Variants in PKHD1L1 observed in about 807,000 individuals in gnomAD.
The protein encoded by PKHD1L1 is fibrocystin-L.
PKHD1L1 carries 434 observed loss-of-function variants against 462.9 expected under a neutral mutation model. The observed-to-expected ratio is 0.94, with a 90% CI of 0.87 to 1.02. PKHD1L1 has a LOEUF of 1.02. PKHD1L1 is among the 50% of genes least tolerant of loss of function. PKHD1L1 has a pLI of 0.00. For missense variants in PKHD1L1, 5,202 were observed against 5,096.1 expected (o/e 1.02, Z -0.63); for synonymous variants, 1,781 against 1,750.0 (o/e 1.02, Z -0.44).
Position 109,491,089 on chromosome 8 carries a change from A to G in PKHD1L1, c.10102A>G (p.Thr3368Ala), listed in dbSNP as rs1453006973. 6.2e-7 allele frequency: 1 copy of G among 1,608,466 alleles called. No homozygotes were observed. The highest frequency in any genetic ancestry group is 1.1e-5 in the South Asian group (1 of 90,654). ...LDIDDNIIHF[T>A]VGEGIRIWGN... is the part of the protein sequence containing the mutation. Reference sequence around the variant, plus strand: ...CATAGATGACAACATCATTCACTTTACAGTGGGGGAAGGTAATATAATAAT... The same window carrying G: ...CATAGATGACAACATCATTCACTTTGCAGTGGGGGAAGGTAATATAATAAT... Residue 3368 changes from threonine to alanine, a missense_variant, in exon 61 of 78, where the codon ACA becomes GCA. Physicochemically the swap from Thr to Ala is moderately conservative, Grantham distance 58 (BLOSUM62 0). Coordinates refer to ENST00000378402, the MANE Select transcript of PKHD1L1 (RefSeq NM_177531.6).
At position 109,445,216 on chromosome 8, in the gene PKHD1L1, A is replaced by G; in HGVS notation, c.5347A>G (p.Ile1783Val). The change falls in exon 38 of 78, where the codon ATT becomes GTT. Residue 1783 changes from isoleucine to valine, a missense_variant. Physicochemically the swap from Ile to Val is conservative, Grantham distance 29 (BLOSUM62 3). Transcript: ENST00000378402. ...GTVLEDIAVFIGNQQFRAIEV... is the reference protein window; with the variant it reads ...GTVLEDIAVFVGNQQFRAIEV... ...TGTTTTGGAGGACATTGCTGTTTTC[A>G]TTGGAAATCAACAGTTCAGAGCAAT... 1 of 1,614,014 alleles carries G rather than the reference A, an allele frequency of 6.2e-7. No homozygotes were observed. The highest frequency in any genetic ancestry group is 8.5e-7 in the Non-Finnish European group (1 of 1,179,884).
chr8:109,497,508 C>T (rs1203476505), intron 65 of PKHD1L1, among the ~76,000 whole-genome samples: 1 of 149,170 alleles, frequency 6.7e-6, no homozygotes, highest in African/African-American at 2.5e-5. Flanking sequence ...TTTCGGCTCA[C>T]TGCAAACTCT....
chr8:109,520,666 C>G (rs1820502993), intron 73 of PKHD1L1, among the ~76,000 whole-genome samples: 1 of 152,084 alleles, frequency 6.6e-6, no homozygotes, highest in Non-Finnish European at 1.5e-5. Context: ...GAAAGATGTT[C>G]ATGTAGTTGT....
At chr8:109,504,253 C>A in intron 67 of PKHD1L1, 74 bp from the exon 68 acceptor site, 1 of 943,170 alleles carries the variant, frequency 1.1e-6, no homozygotes, top group Non-Finnish European at 1.5e-6. Flanking sequence ...ATGTGTTTGG[C>A]AGAATGTGCA....
chr8:109,527,011 A>G lies in PKHD1L1; in HGVS notation c.12712A>G (p.Ile4238Val), dbSNP rs556723532. ...TATGGCTGCAGTTTCAACTTTGAATATAACTTTAAGTAAGTACAGTCCATT... is the reference window on the plus strand; with the variant it reads ...TATGGCTGCAGTTTCAACTTTGAATGTAACTTTAAGTAAGTACAGTCCATT... ...IFMAAVSTLN[I>V]TLRSY Residue 4238 changes from isoleucine (I) to valine (V), a missense_variant, in exon 77 of 78, where the codon ATA (isoleucine) becomes GTA (valine). Transcript: ENST00000378402. 3.1e-6 allele frequency: 5 copies of G among 1,606,190 alleles called. No homozygotes were observed. The highest frequency in any genetic ancestry group is 1.7e-5 in the Admixed American group (1 of 59,800).
Position 109,436,465 on chromosome 8 carries a change from G to A in PKHD1L1, c.3627+6G>A, listed in dbSNP as rs763459498. ...TAACCTGCAGGACACCAAAAGTAAGGCCTCTGATTTCAGTCACTTTTTCCT... is the reference window on the plus strand; with the variant it reads ...TAACCTGCAGGACACCAAAAGTAAGACCTCTGATTTCAGTCACTTTTTCCT... On this transcript the variant is annotated splice_donor_region_variant and intron_variant, in intron 30 of 77. Coordinates refer to ENST00000378402, the MANE Select transcript of PKHD1L1 (RefSeq NM_177531.6). 1.2e-6 allele frequency: 2 copies of A among 1,610,980 alleles called. No homozygotes were observed. The highest frequency in any genetic ancestry group is 1.7e-6 in the Non-Finnish European group (2 of 1,179,112).
rs748293040 is a variant in PKHD1L1 at position 109,522,305 on chromosome 8, C to T, written c.12151C>T (p.Leu4051Phe). Residue 4051 changes from leucine to phenylalanine, a missense_variant, in exon 74 of 78, where the codon CTC becomes TTC. Leu to Phe is a conservative substitution (Grantham distance 22). Coordinates refer to ENST00000378402, the MANE Select transcript of PKHD1L1 (RefSeq NM_177531.6). ...TTCGTCCATGTCTATTACTAATCCC[C>T]TCCCCAGCCCAAGTGACTCTGGGTG... ...NISSMSITNP[L>F]PSPSDSGWIK... 6.8e-6 allele frequency: 11 copies of T among 1,606,044 alleles called. No homozygotes were observed. The highest frequency in any genetic ancestry group is 2.3e-5 in the East Asian group (1 of 44,416).
At chr8:109,364,490 T>A (rs1157259018) in intron 1 of PKHD1L1, 57 bp from the exon 2 acceptor site, 1 of 1,188,222 alleles carries the variant, frequency 8.4e-7, no homozygotes, top group Admixed American at 2.2e-5. Flanking sequence ...CAAATTTTGA[T>A]GACTGAAATG....
intron 56 of PKHD1L1, among the ~76,000 whole-genome samples, chr8:109,482,055 T>C (rs1457677863): frequency 6.6e-6 from 1 of 151,844 alleles, no homozygotes; most frequent in Admixed American, 6.6e-5. Flanking sequence ...GAGATTTAAT[T>C]TCCCAGTTGC....
intron 21 of PKHD1L1, 21 bp from the exon 22 acceptor site, chr8:109,419,076 A>T (rs372155664): frequency 9.3e-5 from 149 of 1,602,028 alleles, no homozygotes; most frequent in Admixed American, 1.3e-4. Context: ...CTATACAACA[A>T]ATTAATCAAC....
At position 109,504,440 on chromosome 8, in the gene PKHD1L1, C is replaced by A; in HGVS notation, c.10942C>A (p.Leu3648Met). ...TCCAATCCATGTGAAGAATATAAAA[C>A]TGGTTGATACCACTGAACAATCAAA... The part of the protein sequence containing the change: ...QHPIHVKNIK[L>M]VDTTEQSKIF... The change falls in exon 68 of 78, where the codon CTG becomes ATG. Residue 3648 changes from leucine (L) to methionine (M), a missense_variant. Physicochemically the swap from Leu to Met is conservative, Grantham distance 15 (BLOSUM62 2). Around this residue, in one of 3 missense-constraint regions of PKHD1L1, gnomAD observed 698 missense variants for 736.3 expected, o/e 0.95. Transcript: ENST00000378402. 1 of 1,560,440 alleles carries A rather than the reference C, an allele frequency of 6.4e-7. No individual in the cohort carries two copies. The highest frequency in any genetic ancestry group is 8.7e-7 in the Non-Finnish European group (1 of 1,144,964).
At chr8:109,430,972 CT>C (rs11315322) in intron 27 of PKHD1L1, among the ~76,000 whole-genome samples, 23,679 of 138,774 alleles carry the variant, frequency 0.17, 1,786 homozygotes, top group South Asian at 0.28. Flanking sequence ...TGAATTCCCA[CT>C]TTTTTTTTTT....
In PKHD1L1 at chr8:109,420,324, A is replaced by C. The variant is rs1427034308; in HGVS notation, c.2525-194A>C. Among the ~76,000 whole-genome samples the C allele has an allele frequency of 3.9e-5, 6 of 152,362 alleles. 1 individual carries two copies. The highest frequency in any genetic ancestry group is 2.6e-4 in the Admixed American group (4 of 15,306). On this transcript the variant is annotated intron_variant, in intron 22 of 77. Transcript: ENST00000378402. Reference sequence around the variant, plus strand: ...TAAAAGTGAAAGTTTAGCAAGCTTCATAAACTACTTGCCTTCAGGTCTTCT... The same window carrying C: ...TAAAAGTGAAAGTTTAGCAAGCTTCCTAAACTACTTGCCTTCAGGTCTTCT...
intron 62 of PKHD1L1, among the ~76,000 whole-genome samples, chr8:109,492,559 G>T (rs1187144685): frequency 6.6e-6 from 1 of 151,770 alleles, no homozygotes; most frequent in Non-Finnish European, 1.5e-5. Flanking sequence ...GATGGGATAA[G>T]GATTGAGTTT....
chr8:109,492,456 C>A (rs1818882828), intron 62 of PKHD1L1, among the ~76,000 whole-genome samples: 1 of 151,708 alleles, frequency 6.6e-6, no homozygotes. Flanking sequence ...AGTAAGATTA[C>A]AAACAAGAAA....
chr8:109,381,454 C>A lies in PKHD1L1; in HGVS notation c.248C>A (p.Ser83Ter). 1 of 1,583,770 alleles carries A rather than the reference C, an allele frequency of 6.3e-7. No individual in the cohort carries two copies. Among genetic ancestry groups the A allele is most frequent in the Non-Finnish European group, 8.6e-7 (1 of 1,162,542 alleles). Residue 83 changes from serine to a stop codon, truncating the protein, a stop_gained, in exon 3 of 78, where the codon TCA (serine) becomes TAA (stop). Transcript: ENST00000378402. LOFTEE classifies it high-confidence loss of function. ...GTGCAATTAATTTCTTCTTTCCAGT[C>A]AATTACTTGTGATGTAGAAAAAGAT... is the stretch of plus-strand genomic sequence containing the variant. The part of the protein sequence containing the change: ...NSVQLISSFQ[S>*]ITCDVEKDAS...
intron 28 of PKHD1L1, among the ~76,000 whole-genome samples, chr8:109,433,426 G>T (rs915800263): frequency 3.3e-5 from 5 of 152,026 alleles, no homozygotes; most frequent in Non-Finnish European, 7.4e-5. Context: ...ATTGTTGTAC[G>T]GTGTCTTTAT....
chr8:109,509,342 A>G (rs1819857898), intron 70 of PKHD1L1, among the ~76,000 whole-genome samples: 2 of 152,072 alleles, frequency 1.3e-5, no homozygotes, highest in Admixed American at 6.6e-5. Context: ...TCTGTTTTAT[A>G]TGGTGAAAAA....
chr8:109,507,669 C>A lies in PKHD1L1; in HGVS notation c.11001C>A (p.Val3667=). 6.2e-7 allele frequency: 1 copy of A among 1,612,214 alleles called. No homozygotes were observed. The highest frequency in any genetic ancestry group is 1.1e-5 in the South Asian group (1 of 90,996). Residue 3667 remains valine, a synonymous_variant, in exon 69 of 78, where the codon GTC becomes GTA. Coordinates refer to ENST00000378402, the MANE Select transcript of PKHD1L1 (RefSeq NM_177531.6). ...IFIHRPDISK[V]NPSDCVDMVC... ...ATTCAACTTTTCTCCACAGTAAGGT[C>A]AATCCATCTGATTGTGTAGACATGG...
Sources: gnomAD v4.1 joint callset for allele counts (sites outside exome capture counted in the v4.1 genomes callset) on GRCh38, gnomAD v4.1.1 for gene constraint, gnomAD v4.1.1 regional missense constraint, MANE v1.5 for transcripts, NCBI Gene and HGNC (gene_info 2026-07-23, HGNC 2026-07-21) for gene names.